The following RAPGEF2 variants were observed in gnomAD, a reference collection of about 807,000 sequenced individuals.
RAPGEF2 encodes PDZ domain containing guanine nucleotide exchange factor (GEF) 1.
In RAPGEF2, 54 loss-of-function variants were observed where a neutral mutation model predicts 186.7. The ratio of observed to expected loss-of-function variants is 0.29; its 90% CI spans 0.23 to 0.36. The LOEUF (loss-of-function observed/expected upper bound fraction) is 0.36, where lower values mean the gene tolerates loss of function less well. RAPGEF2 is among the 10% of genes least tolerant of loss of function. The pLI is 1.00. For missense variants in RAPGEF2, 1,532 were observed against 2,045.0 expected (o/e 0.75, Z 4.84); for synonymous variants, 712 against 705.9 (o/e 1.01, Z -0.14).
chr4:159,256,233 C>T (rs1206239971), intron 7 of RAPGEF2, among the ~76,000 whole-genome samples: 1 of 152,140 alleles, frequency 6.6e-6, no homozygotes, highest in Non-Finnish European at 1.5e-5. Context: ...CAGTATGGCC[C>T]CCTGCAGGCC....
intron 1 of RAPGEF2, among the ~76,000 whole-genome samples, chr4:159,138,797 T>G (rs537487779): frequency 6.6e-6 from 1 of 152,318 alleles, no homozygotes; most frequent in South Asian, 2.1e-4. Context: ...AGCATAAAAC[T>G]CTTCTCTGAC....
intron 7 of RAPGEF2, among the ~76,000 whole-genome samples, chr4:159,260,328 G>A (rs114551894): frequency 0.031 from 4,655 of 150,666 alleles, 95 homozygotes; most frequent in Middle Eastern, 0.056. Context: ...ATTCTCCCTC[G>A]CACTGCCAAA....
At chr4:159,292,670 GT>G (rs1761391957) in intron 7 of RAPGEF2, among the ~76,000 whole-genome samples, 1 of 152,034 alleles carries the variant, frequency 6.6e-6, no homozygotes, top group African/African-American at 2.4e-5. Flanking sequence ...TTCTCAAGTG[GT>G]CAGCCTATTC....
intron 9 of RAPGEF2, among the ~76,000 whole-genome samples, chr4:159,320,571 CATT>C (rs1765120503): frequency 6.6e-6 from 1 of 152,098 alleles, no homozygotes; most frequent in Non-Finnish European, 1.5e-5. Flanking sequence ...GTACACCTAT[CATT>C]ATCATTTTCC....
At chr4:159,219,158 C>G (rs1751266515) in intron 4 of RAPGEF2, among the ~76,000 whole-genome samples, 1 of 152,138 alleles carries the variant, frequency 6.6e-6, no homozygotes, top group African/African-American at 2.4e-5. Flanking sequence ...CTTATTTACC[C>G]TGCACCTAAT....
chr4:159,334,324 C>T (rs146326601), intron 17 of RAPGEF2, among the ~76,000 whole-genome samples: 1 of 152,316 alleles, frequency 6.6e-6, no homozygotes, highest in East Asian at 1.9e-4. Flanking sequence ...GATCTGCTCA[C>T]TGCAACCTTC....
intron 3 of RAPGEF2, among the ~76,000 whole-genome samples, chr4:159,201,219 T>C (rs1267605567): frequency 2.6e-5 from 4 of 152,252 alleles, no homozygotes; most frequent in African/African-American, 9.6e-5. Context: ...AGTAAAAATA[T>C]ACAAATTTTT....
chr4:159,231,688 G>A (rs1456090615), intron 4 of RAPGEF2, among the ~76,000 whole-genome samples: 1 of 152,054 alleles, frequency 6.6e-6, no homozygotes, highest in Admixed American at 6.6e-5. Context: ...AATTTTTTGA[G>A]CACTGACATG....
rs1038460748 is a variant in RAPGEF2, at chr4:159,314,880, T to C, written c.853+112T>C. The C allele has an allele frequency of 2.9e-6, 3 of 1,041,100 alleles. No homozygotes were observed. In the African/African-American group the frequency reaches 4.9e-5, roughly 17 times the overall value. 64.5% of individuals were successfully genotyped at this position (1,041,100 alleles called of 1,614,324 possible). A position where few individuals can be genotyped will look rare whatever the true frequency, so the allele number is the denominator to read the frequency against. ...AGGCTTTAAAAACTCATTAATTTAT[T>C]AATTTCCTTTGTATAAACAGTAGTA... On this transcript the variant is annotated intron_variant, in intron 9 of 29. Coordinates refer to ENST00000691494, the MANE Select transcript of RAPGEF2 (RefSeq NM_001394067.2).
intron 1 of RAPGEF2, among the ~76,000 whole-genome samples, chr4:159,140,223 T>G (rs915516182): frequency 3.3e-5 from 5 of 152,228 alleles, no homozygotes; most frequent in Non-Finnish European, 5.9e-5. Context: ...AGAAATAGTT[T>G]TAGTGTAGTT....
At chr4:159,313,251 T>G (rs992776174) in intron 8 of RAPGEF2, among the ~76,000 whole-genome samples, 2 of 152,250 alleles carry the variant, frequency 1.3e-5, no homozygotes, top group South Asian at 2.1e-4. Context: ...ACATTCATAT[T>G]CAGTGAATGT....
intron 7 of RAPGEF2, among the ~76,000 whole-genome samples, chr4:159,248,020 C>T (rs904256658): frequency 7.2e-5 from 11 of 151,992 alleles, no homozygotes; most frequent in Middle Eastern, 3.2e-3. Flanking sequence ...CCTTGGCCTC[C>T]TAAAGTGCTG....
chr4:159,318,384 C>G (rs1579917342), intron 9 of RAPGEF2, among the ~76,000 whole-genome samples: 1 of 152,178 alleles, frequency 6.6e-6, no homozygotes, highest in East Asian at 1.9e-4. Context: ...TTGATGTTTT[C>G]TCTAGATGCC....
At position 159,331,753 on chromosome 4, in the gene RAPGEF2, G is replaced by C. The variant is rs1222162106; in HGVS notation, c.1699G>C (p.Glu567Gln). The C allele has an allele frequency of 6.2e-7, 1 of 1,614,108 alleles. No individual in the cohort carries two copies. The highest frequency in any genetic ancestry group is 1.3e-5 in the African/African-American group (1 of 75,026). The change falls in exon 15 of 30, where the codon GAG becomes CAG. Residue 567 changes from glutamate (E) to glutamine (Q), a missense_variant. Glu to Gln is a conservative substitution (Grantham distance 29, BLOSUM62 2). This residue lies in a region of RAPGEF2 where 810 missense variants were observed against 1,210.5 expected (regional missense o/e 0.67). Transcript: ENST00000691494. ...GCCTTTTATCTTACTTGGAGGCTCT[G>C]AGAAGGGATTTGGAATCTTTGTTGA... Reference protein sequence around the residue: ...PLPFILLGGSEKGFGIFVDSV... With the variant: ...PLPFILLGGSQKGFGIFVDSV...
At chr4:159,200,046 A>ATCTCTCTCTCTC (rs141283472) in intron 3 of RAPGEF2, among the ~76,000 whole-genome samples, 1 of 151,258 alleles carries the variant, frequency 6.6e-6, no homozygotes, top group African/African-American at 2.4e-5. Flanking sequence ...ATTTGATGTA[A>ATCTCTCTCTCTC]TCTCTCTCTC....
intron 11 of RAPGEF2, among the ~76,000 whole-genome samples, chr4:159,323,822 G>C (rs1765567078): frequency 6.6e-6 from 1 of 150,398 alleles, no homozygotes; most frequent in African/African-American, 2.4e-5. Flanking sequence ...GAGTTCTAGT[G>C]ATTCCCCTGC....
chr4:159,308,417 A>C (rs1367965988), intron 8 of RAPGEF2, among the ~76,000 whole-genome samples: 1 of 152,204 alleles, frequency 6.6e-6, no homozygotes, highest in Non-Finnish European at 1.5e-5. Context: ...TTTGAATCTG[A>C]ACTTAAAATG....
Position 159,332,692 on chromosome 4 carries a change from A to C in RAPGEF2, c.2130A>C (p.Pro710=). The C allele has an allele frequency of 6.2e-7, 1 of 1,614,042 alleles. No individual in the cohort carries two copies. The highest frequency in any genetic ancestry group is 8.5e-7 in the Non-Finnish European group (1 of 1,179,942). Residue 710 remains proline, a synonymous_variant, in exon 17 of 30, where the codon CCA becomes CCC. Coordinates refer to ENST00000691494, the MANE Select transcript of RAPGEF2 (RefSeq NM_001394067.2). The part of the protein sequence containing the change: ...KTRISILPQK[P]YNDIGIGQSQ... The stretch of plus-strand genomic sequence containing the variant: ...GGATCAGTATCTTGCCACAGAAACC[A>C]TACAAGTAAGCATCTGCATATGTCT...
chr4:159,343,509 C>T (rs988968920), intron 22 of RAPGEF2, 105 bp downstream of exon 22: 26 of 1,424,786 alleles, frequency 1.8e-5, no homozygotes, highest in East Asian at 1.2e-4. Context: ...ATTTGTAGTA[C>T]GGCAGAAATT....
Sources: gnomAD v4.1 joint callset for allele counts (sites outside exome capture counted in the v4.1 genomes callset) on GRCh38, gnomAD v4.1.1 for gene constraint, gnomAD v4.1.1 regional missense constraint, MANE v1.5 for transcripts, NCBI Gene and HGNC (gene_info 2026-07-23, HGNC 2026-07-21) for gene names.